The following MTIF2 variants were observed in gnomAD, a reference collection of about 807,000 sequenced individuals.
The protein encoded by MTIF2 is mitochondrial translational initiation factor 2.
MTIF2 carries 71 observed loss-of-function variants against 83.5 expected under a neutral mutation model. The ratio of observed to expected loss-of-function variants is 0.85; its 90% CI spans 0.70 to 1.04. MTIF2 has a LOEUF of 1.04. Ranked by LOEUF, MTIF2 falls within the 50% of genes least tolerant of loss-of-function variation. The pLI, the probability that MTIF2 is intolerant of heterozygous loss-of-function variation, is 0.00. For synonymous variants in MTIF2, 319 were observed against 287.1 expected (o/e 1.11, Z -1.12); for missense variants, 957 against 846.5 (o/e 1.13, Z -1.62).
intron 10 of MTIF2, among the ~76,000 whole-genome samples, 193 bp downstream of exon 10, chr2:55,246,144 T>C (rs1258137336): frequency 2.6e-5 from 4 of 152,246 alleles, no homozygotes; most frequent in African/African-American, 9.6e-5. Context: ...ATAGCTGCTA[T>C]GGTCTACTGA....
At chr2:55,266,845 G>A (rs936479895) in intron 3 of MTIF2, among the ~76,000 whole-genome samples, 5 of 139,304 alleles carry the variant, frequency 3.6e-5, no homozygotes, top group Non-Finnish European at 7.5e-5. Flanking sequence ...TCAGCCCACT[G>A]CAACCTCTGC....
chr2:55,262,404 CTG>C lies in MTIF2; in HGVS notation c.241_242del (p.Gln81ValfsTer7). The C allele has an allele frequency of 1.2e-6, 2 of 1,612,724 alleles. No homozygotes were observed. The highest frequency in any genetic ancestry group is 1.7e-6 in the Non-Finnish European group (2 of 1,179,156). On this transcript the variant is annotated frameshift_variant, in exon 5 of 16. Transcript: ENST00000263629. LOFTEE classifies it high-confidence loss of function. ...CCTTTTTAGATTTTGTTGAAGATAA[CTG>C]AGATTTCCATGGTCCTTCTTCCTAT... ...TKKEEGPWKS[Q>X]LSSTKSKKVV...
At position 55,267,195 on chromosome 2, in the gene MTIF2, C is replaced by A. The variant is rs532383540; in HGVS notation, c.-8+374G>T. Among the ~76,000 whole-genome samples, 9 of 151,950 alleles carry A rather than the reference C, an allele frequency of 5.9e-5. No homozygotes were observed. The East Asian group carries it at 1.7e-3, about 29-fold the overall frequency. The stretch of plus-strand genomic sequence containing the variant: ...TTTTTTGAGATGGAGTTTTGCTCAT[C>A]GCTCAGGCTGGAGTGCAATGGCGTG... On this transcript the variant is annotated intron_variant, in intron 3 of 15. Transcript: ENST00000263629.
chr2:55,236,911 C>A (rs1238108897), intron 15 of MTIF2, 91 bp from the exon 16 acceptor site: 1 of 1,043,256 alleles, frequency 9.6e-7, no homozygotes, highest in African/African-American at 1.7e-5. Context: ...GGAAATTACA[C>A]TGAAATTCTT....
intron 8 of MTIF2, 122 bp from the exon 9 acceptor site, chr2:55,249,656 CA>C: frequency 3.4e-6 from 4 of 1,170,166 alleles, no homozygotes; most frequent in Non-Finnish European, 2.4e-6. Flanking sequence ...TTTTATCTAA[CA>C]AAAGGCCAAA....
chr2:55,256,126 C>T (rs1444570977), intron 5 of MTIF2, among the ~76,000 whole-genome samples: 1 of 152,114 alleles, frequency 6.6e-6, no homozygotes, highest in African/African-American at 2.4e-5. Context: ...CCGCCTGCCT[C>T]GGCCTCCCAG....
chr2:55,243,214 A>G (rs1676449896), intron 12 of MTIF2, 134 bp from the exon 13 acceptor site: 1 of 1,067,140 alleles, frequency 9.4e-7, no homozygotes, highest in Non-Finnish European at 1.3e-6. Context: ...TAGGCTTAGC[A>G]TTACACATAT....
intron 8 of MTIF2, among the ~76,000 whole-genome samples, chr2:55,251,677 G>A (rs1456516870): frequency 6.6e-6 from 1 of 152,208 alleles, no homozygotes; most frequent in East Asian, 1.9e-4. Flanking sequence ...AGGCTGGAGT[G>A]CAATGGCACA....
intron 4 of MTIF2, 31 bp downstream of exon 4, chr2:55,263,609 C>CAAA (rs748533572): frequency 4.1e-5 from 54 of 1,314,014 alleles, no homozygotes; most frequent in Non-Finnish European, 4.2e-5. Flanking sequence ...GACTCCATCT[C>CAAA]AAAAAAAAAA....
intron 15 of MTIF2, 49 bp from the exon 16 acceptor site, chr2:55,236,869 C>G (rs767658501): frequency 1.5e-6 from 2 of 1,323,356 alleles, no homozygotes; most frequent in Non-Finnish European, 2.0e-6. Flanking sequence ...TGATAAGTAC[C>G]TACTAAATAC....
At chr2:55,237,655 T>C (rs868776793) in intron 14 of MTIF2, among the ~76,000 whole-genome samples, 3 of 139,944 alleles carry the variant, frequency 2.1e-5, no homozygotes, top group African/African-American at 5.2e-5. Flanking sequence ...TTTTCTTTTT[T>C]TTTTTTTTTT....
rs1675836007 is a variant in MTIF2, at chr2:55,236,674, T to C, written c.2158A>G (p.Lys720Glu). The change falls in exon 16 of 16, where the codon AAG becomes GAG. Residue 720 changes from lysine (K) to glutamate (E), a missense_variant. By Grantham distance (56) the Lys-to-Glu change is moderately conservative. Transcript: ENST00000263629. ...VCYEEKQIQA[K>E]TSWDPGF is the part of the protein sequence containing the mutation. ...TAAAATCCTGGATCCCAAGAAGTCTTGGCTTGAATTTGCTTTTCTTCATAA... is the reference window on the plus strand; with the variant it reads ...TAAAATCCTGGATCCCAAGAAGTCTCGGCTTGAATTTGCTTTTCTTCATAA... The C allele has an allele frequency of 6.3e-7, 1 of 1,597,730 alleles. No homozygotes were observed. The highest frequency in any genetic ancestry group is 2.2e-5 in the East Asian group (1 of 44,600).
chr2:55,249,659 A>T, intron 8 of MTIF2, 125 bp from the exon 9 acceptor site: 1 of 1,176,652 alleles, frequency 8.5e-7, no homozygotes, highest in African/African-American at 1.5e-5. Context: ...TATCTAACAA[A>T]AGGCCAAAAT....
chr2:55,237,332 T>G lies in MTIF2; in HGVS notation c.1967A>C (p.Gln656Pro). 1.2e-6 allele frequency: 2 copies of G among 1,612,960 alleles called. No individual in the cohort carries two copies. The highest frequency in any genetic ancestry group is 1.7e-6 in the Non-Finnish European group (2 of 1,179,878). ...CRVQKGQLEK[Q>P]KKFKLTRNGH... ...ATTACGGGTTAGTTTAAATTTTTTTTGTTTTTCTAACTGTCCCTTTTGGAC... is the reference window on the plus strand; with the variant it reads ...ATTACGGGTTAGTTTAAATTTTTTTGGTTTTTCTAACTGTCCCTTTTGGAC... The change falls in exon 15 of 16, where the codon CAA becomes CCA. Residue 656 changes from glutamine to proline, a missense_variant. Transcript: ENST00000263629.
chr2:55,239,355 C>T (rs1241718468), intron 14 of MTIF2, among the ~76,000 whole-genome samples: 3 of 152,086 alleles, frequency 2.0e-5, no homozygotes, highest in South Asian at 2.1e-4. Flanking sequence ...AAAAACATCA[C>T]GTGTGCATGG....
chr2:55,249,388 C>T lies in MTIF2; in HGVS notation c.981+7G>A. 2 of 1,613,474 alleles carry T rather than the reference C, an allele frequency of 1.2e-6. No homozygotes were observed. The highest frequency in any genetic ancestry group is 2.2e-5 in the East Asian group (1 of 44,882). On this transcript the variant is annotated splice_region_variant and intron_variant, in intron 9 of 15. Coordinates refer to ENST00000263629, the MANE Select transcript of MTIF2 (RefSeq NM_002453.3). The stretch of plus-strand genomic sequence containing the variant: ...CAGGCATATTTATATGAGGTCCCCG[C>T]ATTTACCGTAAGTGCGGAGACAGGC...
At position 55,249,396 on chromosome 2, in the gene MTIF2, G is replaced by T; in HGVS notation, c.980C>A (p.Thr327Lys). 1 of 1,613,872 alleles carries T rather than the reference G, an allele frequency of 6.2e-7. No homozygotes were observed. Among genetic ancestry groups the T allele is most frequent in the Non-Finnish European group, 8.5e-7 (1 of 1,179,926 alleles). Residue 327 changes from threonine (T) to lysine (K), a missense_variant and splice_region_variant, in exon 9 of 16, where the codon ACG becomes AAG. Around this residue, in one of 3 missense-constraint regions of MTIF2, gnomAD observed 733 missense variants for 648.7 expected, o/e 1.13. Transcript: ENST00000263629. ...DVQAVPVSAL[T>K]GDNLMALAEA... ...TTTATATGAGGTCCCCGCATTTACC[G>T]TAAGTGCGGAGACAGGCACTGCTTG...
chr2:55,258,459 A>C (rs549369961), intron 5 of MTIF2, among the ~76,000 whole-genome samples: 4 of 152,262 alleles, frequency 2.6e-5, no homozygotes, highest in African/African-American at 4.8e-5. Flanking sequence ...ACCTGAGGTC[A>C]GGAGTTCGAG....
intron 9 of MTIF2, 136 bp from the exon 10 acceptor site, chr2:55,246,597 C>A: frequency 1.2e-5 from 8 of 686,482 alleles, no homozygotes; most frequent in South Asian, 2.4e-5. Flanking sequence ...CATGATTACT[C>A]AATTTAACAA....
Sources: gnomAD v4.1 joint callset for allele counts (sites outside exome capture counted in the v4.1 genomes callset) on GRCh38, gnomAD v4.1.1 for gene constraint, gnomAD v4.1.1 regional missense constraint, MANE v1.5 for transcripts, NCBI Gene and HGNC (gene_info 2026-07-23, HGNC 2026-07-21) for gene names.